NRG1: variants seen among roughly 807,000 people sequenced by gnomAD.
NRG1 encodes pro-neuregulin-1, membrane-bound isoform.
In NRG1, 18 loss-of-function variants were observed where a neutral mutation model predicts 63.8. The observed-to-expected ratio is 0.28, with a 90% CI of 0.19 to 0.42. NRG1 has a LOEUF of 0.42. NRG1 is among the 10% of genes least tolerant of loss of function. NRG1 has a pLI of 1.00. For synonymous variants in NRG1, 302 were observed against 301.3 expected (o/e 1.00, Z -0.02); for missense variants, 762 against 814.7 (o/e 0.94, Z 0.79).
intron 1 of NRG1, among the ~76,000 whole-genome samples, chr8:31,763,923 C>G (rs536997883): frequency 1.3e-5 from 2 of 149,348 alleles, no homozygotes; most frequent in East Asian, 4.0e-4. Flanking sequence ...ACACTCCAGC[C>G]TGGGTGACAG....
chr8:31,712,168 T>C (rs1811826985), intron 1 of NRG1, among the ~76,000 whole-genome samples: 1 of 151,958 alleles, frequency 6.6e-6, no homozygotes, highest in African/African-American at 2.4e-5. Context: ...TTTTTTATCA[T>C]TTCTGTGATT....
intron 6 of NRG1, among the ~76,000 whole-genome samples, chr8:32,733,790 A>C (rs1824336594): frequency 6.6e-6 from 1 of 152,220 alleles, no homozygotes; most frequent in Non-Finnish European, 1.5e-5. Context: ...GCTGACTATT[A>C]AGGTAATACA....
At chr8:32,331,405 C>G (rs1437048284) in intron 1 of NRG1, among the ~76,000 whole-genome samples, 1 of 150,056 alleles carries the variant, frequency 6.7e-6, no homozygotes, top group African/African-American at 2.5e-5. Flanking sequence ...GTGATATGCC[C>G]CTGTTGTCCT....
At chr8:31,856,545 G>T (rs1175909396) in intron 1 of NRG1, among the ~76,000 whole-genome samples, 1 of 152,092 alleles carries the variant, frequency 6.6e-6, no homozygotes, top group East Asian at 1.9e-4. Context: ...CAACTTCTTT[G>T]CCTTTGATTT....
chr8:32,202,031 C>T (rs1356697035), intron 1 of NRG1, among the ~76,000 whole-genome samples: 3 of 152,120 alleles, frequency 2.0e-5, no homozygotes, highest in African/African-American at 7.2e-5. Context: ...TTGATTAGCT[C>T]GTTGAGTGTT....
intron 1 of NRG1, among the ~76,000 whole-genome samples, chr8:31,646,018 C>T (rs1804253084): frequency 2.0e-5 from 3 of 152,182 alleles, no homozygotes; most frequent in Non-Finnish European, 4.4e-5. Context: ...GACTAGCCTT[C>T]TCTCGAAACC....
At chr8:31,925,767 A>G (rs1289191071) in intron 1 of NRG1, among the ~76,000 whole-genome samples, 3 of 152,120 alleles carry the variant, frequency 2.0e-5, no homozygotes, top group Admixed American at 1.3e-4. Flanking sequence ...TTTAAATTCA[A>G]TTATAGAACT....
rs139680162 is a variant in NRG1 at position 32,702,890 on chromosome 8, C to T, written c.503-25059C>T. Among the ~76,000 whole-genome samples, 330 of 152,262 alleles carry T rather than the reference C, an allele frequency of 2.2e-3. 1 individual carries two copies. Among genetic ancestry groups the T allele is most frequent in the African/African-American group, 6.8e-3 (283 of 41,554 alleles). On this transcript the variant is annotated intron_variant, in intron 5 of 11. Transcript: ENST00000356819. Reference sequence around the variant, plus strand: ...TGTTTAGACTGTTTTTATTGTCTTACAGTCCCATTTTTGTCTTTCACTCTT... The same window carrying T: ...TGTTTAGACTGTTTTTATTGTCTTATAGTCCCATTTTTGTCTTTCACTCTT...
At chr8:31,852,434 A>T (rs149123452) in intron 1 of NRG1, among the ~76,000 whole-genome samples, 2,032 of 152,184 alleles carry the variant, frequency 0.013, 51 homozygotes, top group African/African-American at 0.046. Flanking sequence ...TTCACGTCCT[A>T]CGCCCACTTC....
At chr8:32,563,482 T>G (rs1161111474) in intron 1 of NRG1, among the ~76,000 whole-genome samples, 1 of 152,230 alleles carries the variant, frequency 6.6e-6, no homozygotes, top group African/African-American at 2.4e-5. Flanking sequence ...GAATTACTAG[T>G]GCAGAAGCCT....
At chr8:31,920,173 C>A (rs1201822404) in intron 1 of NRG1, among the ~76,000 whole-genome samples, 9 of 152,172 alleles carry the variant, frequency 5.9e-5, no homozygotes, top group Admixed American at 5.9e-4. Context: ...AAAAGGAATT[C>A]CACTTGAGCT....
rs372822845 is a variant in NRG1, at chr8:32,395,292, A to G, written c.38-200536A>G. Among the ~76,000 whole-genome samples, 426 of 152,332 alleles carry G rather than the reference A, an allele frequency of 2.8e-3. 4 individuals are homozygous for G. Among genetic ancestry groups the G allele is most frequent in the African/African-American group, 9.4e-3 (391 of 41,570 alleles). On this transcript the variant is annotated intron_variant, in intron 1 of 10. Transcript: ENST00000519301. ...CAGGACTGGGTCATAGGGTAGGTAC[A>G]TGTGTACCACTTTTAAATATTGCCA... is the stretch of plus-strand genomic sequence containing the variant.
intron 1 of NRG1, among the ~76,000 whole-genome samples, chr8:32,551,696 T>G (rs1834152306): frequency 1.3e-5 from 2 of 152,172 alleles, no homozygotes; most frequent in African/African-American, 2.4e-5. Flanking sequence ...ATAATAGCTC[T>G]AATAGGTCCC....
chr8:31,869,184 A>G (rs954091714), intron 1 of NRG1, among the ~76,000 whole-genome samples: 1 of 152,136 alleles, frequency 6.6e-6, no homozygotes, highest in Non-Finnish European at 1.5e-5. Flanking sequence ...CTTTAGGTAA[A>G]GTCTGCATTT....
intron 1 of NRG1, among the ~76,000 whole-genome samples, chr8:32,018,474 T>C (rs1815914770): frequency 6.6e-6 from 1 of 152,236 alleles, no homozygotes; most frequent in Admixed American, 6.5e-5. Context: ...GTATTTTCTA[T>C]TACCCTATAT....
chr8:31,928,466 C>T (rs1563578664), intron 1 of NRG1, among the ~76,000 whole-genome samples: 1 of 149,636 alleles, frequency 6.7e-6, no homozygotes, highest in Non-Finnish European at 1.5e-5. Context: ...AAAGACAGAT[C>T]AACCATTCTA....
chr8:32,604,037 A>G (rs1014978950), intron 2 of NRG1, among the ~76,000 whole-genome samples: 5 of 152,080 alleles, frequency 3.3e-5, no homozygotes, highest in African/African-American at 1.2e-4. Flanking sequence ...TTATAGCTAC[A>G]CTCTCCAAAG....
chr8:32,341,408 T>A (rs1052112693), intron 1 of NRG1, among the ~76,000 whole-genome samples: 1 of 152,258 alleles, frequency 6.6e-6, no homozygotes, highest in Non-Finnish European at 1.5e-5. Context: ...AGCTCGTGGC[T>A]GAAATTTTTT....
chr8:32,425,224 C>T (rs1293904903), intron 1 of NRG1, among the ~76,000 whole-genome samples: 1 of 152,208 alleles, frequency 6.6e-6, no homozygotes, highest in Non-Finnish European at 1.5e-5. Flanking sequence ...ATGGCATTTG[C>T]ATCCGTTGCC....
Sources: allele counts gnomAD v4.1 joint callset (sites outside exome capture counted in the v4.1 genomes callset), GRCh38; gene constraint gnomAD v4.1.1; transcripts MANE v1.5; gene names NCBI Gene and HGNC (gene_info 2026-07-23, HGNC 2026-07-21).